Variants in SLC25A13 observed in about 807,000 individuals in gnomAD.
The protein encoded by SLC25A13 is electrogenic aspartate/glutamate antiporter SLC25A13, mitochondrial.
Under a neutral mutation model 85.5 loss-of-function variants are expected in SLC25A13, and 70 were observed. That is an observed-to-expected ratio of 0.82 (90% CI 0.68 to 1.00). The LOEUF (loss-of-function observed/expected upper bound fraction) is 1.00, where lower values mean the gene tolerates loss of function less well. Ranked by LOEUF, SLC25A13 falls within the 50% of genes least tolerant of loss-of-function variation. SLC25A13 has a pLI of 0.00. For synonymous variants in SLC25A13, 259 were observed against 288.7 expected, an observed-to-expected ratio of 0.90 and a Z score of 1.04; for missense variants, 765 against 819.8, an observed-to-expected ratio of 0.93 and a Z score of 0.82.
At position 96,175,211 on chromosome 7, in the gene SLC25A13, C is replaced by T. The variant is rs186178537; in HGVS notation, c.1178-3687G>A. Among the ~76,000 whole-genome samples, 8 of 152,214 alleles carry T rather than the reference C, an allele frequency of 5.3e-5. No individual in the cohort carries two copies. The East Asian group carries it at 7.7e-4, about 15-fold the overall frequency. On this transcript the variant is annotated intron_variant, in intron 11 of 17. Transcript: ENST00000265631. ...ACTTCAAGGGTGAGCAGAGGTTCCCCGGAAAGATGAGACAATGAGCAGAAT... is the reference window on the plus strand; with the variant it reads ...ACTTCAAGGGTGAGCAGAGGTTCCCTGGAAAGATGAGACAATGAGCAGAAT...
intron 11 of SLC25A13, among the ~76,000 whole-genome samples, chr7:96,183,459 G>A (rs1271259916): frequency 6.6e-6 from 1 of 152,146 alleles, no homozygotes; most frequent in Non-Finnish European, 1.5e-5. Context: ...GGAGAGGAGG[G>A]AAAACTCTGC....
intron 13 of SLC25A13, among the ~76,000 whole-genome samples, chr7:96,163,564 T>C (rs188011806): frequency 4.4e-4 from 67 of 152,314 alleles, no homozygotes; most frequent in Admixed American, 1.2e-3. Flanking sequence ...TATGCAGCAA[T>C]AGATAATCAG....
chr7:96,238,831 A>G (rs914761182), intron 3 of SLC25A13, among the ~76,000 whole-genome samples: 1 of 151,930 alleles, frequency 6.6e-6, no homozygotes, highest in African/African-American at 2.4e-5. Context: ...TTACCCCTTC[A>G]CAGACATTAG....
intron 3 of SLC25A13, among the ~76,000 whole-genome samples, chr7:96,244,143 G>T (rs184736390): frequency 1.2e-4 from 18 of 152,196 alleles, no homozygotes; most frequent in Admixed American, 1.2e-3. Context: ...GTCTGGGGGG[G>T]TCCTGTCCTG....
At chr7:96,153,414 AC>A (rs966690591) in intron 13 of SLC25A13, among the ~76,000 whole-genome samples, 5 of 152,350 alleles carry the variant, frequency 3.3e-5, no homozygotes, top group African/African-American at 1.2e-4. Context: ...GCAGCTGATG[AC>A]CACAGAGGTG....
At chr7:96,240,744 C>G (rs1183418845) in intron 3 of SLC25A13, among the ~76,000 whole-genome samples, 1 of 90,338 alleles carries the variant, frequency 1.1e-5, no homozygotes, top group Non-Finnish European at 2.6e-5. Context: ...ACACCATCTA[C>G]TAGAAAAAAA....
chr7:96,186,425 G>A (rs986327786), intron 9 of SLC25A13, among the ~76,000 whole-genome samples: 9 of 152,220 alleles, frequency 5.9e-5, no homozygotes, highest in East Asian at 1.9e-4. Context: ...GTGAAACTCC[G>A]TCTCAAAAAG....
chr7:96,275,995 T>A (rs1173162008), intron 3 of SLC25A13, among the ~76,000 whole-genome samples: 1 of 152,190 alleles, frequency 6.6e-6, no homozygotes. Flanking sequence ...CTCAAACTGC[T>A]GCATGTGGGA....
chr7:96,291,993 C>T (rs1799142951), intron 2 of SLC25A13, among the ~76,000 whole-genome samples: 1 of 152,176 alleles, frequency 6.6e-6, no homozygotes, highest in African/African-American at 2.4e-5. Flanking sequence ...GCATTTTAGA[C>T]CAATATCCCT....
At chr7:96,222,581 G>C (rs1035511789) in intron 4 of SLC25A13, among the ~76,000 whole-genome samples, 1 of 152,094 alleles carries the variant, frequency 6.6e-6, no homozygotes, top group Non-Finnish European at 1.5e-5. Context: ...GAGTAGCTGG[G>C]ACTACAGGCA....
chr7:96,282,142 G>A (rs1291509069), intron 2 of SLC25A13, among the ~76,000 whole-genome samples: 1 of 152,096 alleles, frequency 6.6e-6, no homozygotes, highest in African/African-American at 2.4e-5. Flanking sequence ...ACATACACCT[G>A]CAAAATGGGA....
intron 3 of SLC25A13, among the ~76,000 whole-genome samples, chr7:96,247,526 T>C (rs1797244614): frequency 6.6e-6 from 1 of 152,162 alleles, no homozygotes; most frequent in Non-Finnish European, 1.5e-5. Flanking sequence ...TCCTATAAAA[T>C]AATTCCATCA....
intron 2 of SLC25A13, among the ~76,000 whole-genome samples, chr7:96,281,612 G>A (rs778632762): frequency 2.6e-5 from 4 of 152,138 alleles, no homozygotes; most frequent in African/African-American, 7.2e-5. Flanking sequence ...AGGGGCATCA[G>A]AGGGCCTCTG....
At chr7:96,164,929 G>A (rs1328050419) in intron 13 of SLC25A13, among the ~76,000 whole-genome samples, 1 of 152,124 alleles carries the variant, frequency 6.6e-6, no homozygotes, top group Non-Finnish European at 1.5e-5. Context: ...ATGATGGGAA[G>A]GGGTTTGACT....
chr7:96,177,149 A>C (rs1204089292), intron 11 of SLC25A13, among the ~76,000 whole-genome samples: 2 of 152,122 alleles, frequency 1.3e-5, no homozygotes, highest in African/African-American at 2.4e-5. Flanking sequence ...GCAAGAGGCA[A>C]TTCAGCCTGA....
chr7:96,165,680 T>C (rs894522189), intron 13 of SLC25A13, among the ~76,000 whole-genome samples: 7 of 152,108 alleles, frequency 4.6e-5, no homozygotes, highest in African/African-American at 1.7e-4. Context: ...TCACAGGTAA[T>C]AAAAAGTAGA....
chr7:96,142,505 G>A (rs576694445), intron 14 of SLC25A13, among the ~76,000 whole-genome samples: 1 of 152,258 alleles, frequency 6.6e-6, no homozygotes, highest in South Asian at 2.1e-4. Context: ...CCAATCTCCT[G>A]TTAATGGTAA....
intron 4 of SLC25A13, among the ~76,000 whole-genome samples, chr7:96,228,998 C>T (rs1796423696): frequency 2.6e-5 from 4 of 152,204 alleles, no homozygotes; most frequent in South Asian, 4.1e-4. Context: ...CCCCCAACCC[C>T]GTGGGCTCCC....
At chr7:96,226,913 C>T (rs914501599) in intron 4 of SLC25A13, among the ~76,000 whole-genome samples, 7 of 151,940 alleles carry the variant, frequency 4.6e-5, no homozygotes, top group Admixed American at 1.3e-4. Context: ...TGATTTACTC[C>T]CTTTGAATAC....
Sources: gnomAD v4.1 joint callset for allele counts (sites outside exome capture counted in the v4.1 genomes callset) on GRCh38, gnomAD v4.1.1 for gene constraint, MANE v1.5 for transcripts, NCBI Gene and HGNC (gene_info 2026-07-23, HGNC 2026-07-21) for gene names.